The following OCM variants were observed in gnomAD, a reference collection of about 807,000 sequenced individuals.
OCM encodes the protein oncomodulin.
In OCM, 18 loss-of-function variants were observed where a neutral mutation model predicts 14.1. The observed-to-expected ratio is 1.28, with a 90% confidence interval of 0.88 to 1.89. OCM has a LOEUF of 1.89. OCM is among the 40% of genes most tolerant of loss of function. OCM has a pLI of 0.00. For missense variants in OCM, 140 were observed against 137.6 expected (o/e 1.02, Z -0.09); for synonymous variants, 48 against 51.0 (o/e 0.94, Z 0.25).
Position 5,880,841 on chromosome 7 carries a change from C to T in OCM, c.-49C>T. ...GTGTTTCCCCTGGATGTGCACATTC[C>T]TGTTTGTGGCTTATCGCCTCTCATT... On this transcript the variant is annotated 5_prime_UTR_variant, in exon 1 of 4. Coordinates refer to ENST00000242104, the MANE Select transcript of OCM (RefSeq NM_001097622.2). The T allele has an allele frequency of 6.4e-7, 1 of 1,571,432 alleles. No homozygotes were observed. The highest frequency in any genetic ancestry group is 1.1e-5 in the South Asian group (1 of 90,154).
the OCM span, among the ~76,000 whole-genome samples, chr7:5,866,255 G>A: frequency 2.0e-5 from 3 of 151,142 alleles, no homozygotes; most frequent in African/African-American, 2.4e-5. Context: ...GAGCCCAGGA[G>A]TTCAAGGTGA....
upstream of OCM, among the ~76,000 whole-genome samples, chr7:5,874,986 G>T (rs1415908887): frequency 2.6e-5 from 4 of 151,352 alleles, no homozygotes; most frequent in East Asian, 7.7e-4. Flanking sequence ...AATATTCTAG[G>T]TACCTCATAT....
At chr7:5,860,056 G>A in the OCM span, among the ~76,000 whole-genome samples, 1 of 129,920 alleles carries the variant, frequency 7.7e-6, no homozygotes, top group Admixed American at 8.4e-5. Context: ...AATACAAGGA[G>A]ACCCCCCCCA....
intron 1 of OCM, among the ~76,000 whole-genome samples, chr7:5,881,764 CAAAA>C (rs1420888567): frequency 1.3e-5 from 2 of 152,000 alleles, no homozygotes; most frequent in African/African-American, 2.4e-5. Flanking sequence ...ATCTGTAAGA[CAAAA>C]GAAACCTACT....
intron 3 of OCM, among the ~76,000 whole-genome samples, chr7:5,885,125 G>GA (rs10641162): frequency 0.31 from 45,368 of 147,632 alleles, 8,141 homozygotes; most frequent in African/African-American, 0.5. Context: ...TATCTCAAAA[G>GA]AAAAAAAAAA....
upstream of OCM, among the ~76,000 whole-genome samples, chr7:5,877,186 T>C (rs1562528593): frequency 2.0e-5 from 3 of 152,020 alleles, no homozygotes; most frequent in African/African-American, 7.2e-5. Flanking sequence ...AACTTGAGGC[T>C]GGGCACAGTG....
the OCM span, among the ~76,000 whole-genome samples, chr7:5,860,853 T>C: frequency 2.1e-5 from 3 of 143,562 alleles, no homozygotes; most frequent in East Asian, 1.9e-4. Context: ...CACATACATA[T>C]ACATATACAT....
chr7:5,885,963 T>G, intron 3 of OCM, 101 bp from the exon 4 acceptor site: 2 of 1,476,880 alleles, frequency 1.4e-6, no homozygotes, highest in Non-Finnish European at 1.9e-6. Flanking sequence ...TCTGACAATT[T>G]TCTTTGCTTC....
chr7:5,876,067 T>C (rs1781088722), upstream of OCM, among the ~76,000 whole-genome samples: 1 of 152,052 alleles, frequency 6.6e-6, no homozygotes, highest in South Asian at 2.1e-4. Flanking sequence ...GGCAGTGGCA[T>C]GATCTCAGCT....
chr7:5,871,106 G>A, the OCM span, among the ~76,000 whole-genome samples: 1 of 152,036 alleles, frequency 6.6e-6, no homozygotes. Context: ...CAGCAGTTTG[G>A]GAGGCCAAAG....
chr7:5,874,539 CTG>C, the OCM span, among the ~76,000 whole-genome samples: 1 of 151,950 alleles, frequency 6.6e-6, no homozygotes, highest in African/African-American at 2.4e-5. Flanking sequence ...GGGTCTCACT[CTG>C]TTAACCAGGC....
chr7:5,885,942 C>T, intron 3 of OCM, 122 bp from the exon 4 acceptor site: 1 of 905,936 alleles, frequency 1.1e-6, no homozygotes, highest in South Asian at 1.5e-5. Flanking sequence ...CCAAGGGGGC[C>T]ATGCCCATCA....
chr7:5,886,039 C>G (rs776529743), intron 3 of OCM, 25 bp from the exon 4 acceptor site: 1 of 1,614,072 alleles, frequency 6.2e-7, no homozygotes, highest in Non-Finnish European at 8.5e-7. Context: ...CTCCACTGAC[C>G]CTGTTCTCAC....
At chr7:5,867,879 G>C in the OCM span, among the ~76,000 whole-genome samples, 3 of 151,788 alleles carry the variant, frequency 2.0e-5, no homozygotes, top group Non-Finnish European at 4.4e-5. Context: ...CTCCCCGGTA[G>C]CTGGGACCAC....
the OCM span, among the ~76,000 whole-genome samples, chr7:5,866,367 AGG>A: frequency 3.5e-5 from 2 of 56,432 alleles, no homozygotes; most frequent in Non-Finnish European, 5.8e-5. Flanking sequence ...GAAAGGAGGA[AGG>A]GAGGGAGGAA....
chr7:5,861,421 T>TAA, the OCM span, among the ~76,000 whole-genome samples: 1 of 141,670 alleles, frequency 7.1e-6, no homozygotes, highest in African/African-American at 2.6e-5. Flanking sequence ...AATTCTGTCT[T>TAA]AAAAAAAAAA....
At chr7:5,865,255 G>T in the OCM span, among the ~76,000 whole-genome samples, 3 of 152,178 alleles carry the variant, frequency 2.0e-5, no homozygotes, top group Admixed American at 1.3e-4. Flanking sequence ...TGCCCAAAAG[G>T]CTAAATTATT....
At chr7:5,868,956 G>C in the OCM span, among the ~76,000 whole-genome samples, 14 of 152,024 alleles carry the variant, frequency 9.2e-5, no homozygotes, top group African/African-American at 3.4e-4. Context: ...CCAGCTACTT[G>C]GGAGGCTGAG....
intron 2 of OCM, among the ~76,000 whole-genome samples, chr7:5,883,436 T>C (rs1393482704): frequency 6.6e-6 from 1 of 151,896 alleles, no homozygotes; most frequent in Non-Finnish European, 1.5e-5. Flanking sequence ...TCCCAGCCCT[T>C]TGGGAGGCTG....
Sources: gnomAD v4.1 joint callset for allele counts (sites outside exome capture counted in the v4.1 genomes callset) on GRCh38, gnomAD v4.1.1 for gene constraint, MANE v1.5 for transcripts, NCBI Gene and HGNC (gene_info 2026-07-23, HGNC 2026-07-21) for gene names.